The following LRRIQ1 variants were observed in gnomAD, a reference collection of about 807,000 sequenced individuals.
LRRIQ1 encodes the protein leucine rich repeats and IQ motif containing 1.
LRRIQ1 carries 210 observed loss-of-function variants against 211.9 expected under a neutral mutation model. That is an observed-to-expected ratio of 0.99 (90% CI 0.89 to 1.11). The LOEUF is 1.11. Among genes scored for constraint, LRRIQ1 ranks in the 50% most tolerant of loss-of-function variants. LRRIQ1 has a pLI of 0.00. For synonymous variants in LRRIQ1, 699 were observed against 650.1 expected (o/e 1.08, Z -1.14); for missense variants, 2,136 against 1,939.5 (o/e 1.10, Z -1.90).
intron 2 of LRRIQ1, among the ~76,000 whole-genome samples, chr12:85,038,923 T>C (rs1726152459): frequency 6.6e-6 from 1 of 151,330 alleles, no homozygotes; most frequent in Admixed American, 6.6e-5. Flanking sequence ...CCTACTGTTG[T>C]ATATTTGTAA....
At chr12:85,055,088 G>A (rs887534614) in intron 7 of LRRIQ1, among the ~76,000 whole-genome samples, 5 of 152,034 alleles carry the variant, frequency 3.3e-5, no homozygotes, top group African/African-American at 1.2e-4. Flanking sequence ...GGCTTTCTTG[G>A]TACCATAAGT....
At chr12:85,241,926 A>G (rs771844049) in intron 26 of LRRIQ1, among the ~76,000 whole-genome samples, 15 of 152,018 alleles carry the variant, frequency 9.9e-5, no homozygotes, top group Non-Finnish European at 1.6e-4. Context: ...CCAAAGTTGG[A>G]GGTGAATCAG....
intron 24 of LRRIQ1, among the ~76,000 whole-genome samples, chr12:85,198,771 T>C (rs184005187): frequency 2.6e-5 from 4 of 152,114 alleles, no homozygotes; most frequent in Non-Finnish European, 4.4e-5. Context: ...GGTTCCACCA[T>C]GTTAGCCAGA....
chr12:85,063,612 G>A (rs906253747), intron 8 of LRRIQ1, among the ~76,000 whole-genome samples: 12 of 151,106 alleles, frequency 7.9e-5, no homozygotes, highest in African/African-American at 2.4e-4. Context: ...ACCCTATTGT[G>A]CTATCAAATA....
intron 24 of LRRIQ1, among the ~76,000 whole-genome samples, chr12:85,218,927 T>C (rs1204629024): frequency 6.6e-6 from 1 of 152,130 alleles, no homozygotes; most frequent in Non-Finnish European, 1.5e-5. Flanking sequence ...ATTTTGCTTC[T>C]CTTAAATTTT....
In LRRIQ1 at chr12:85,055,829, AAAG is replaced by A. The variant is rs1181227862; in HGVS notation, c.1041_1043del (p.Glu348del). The A allele has an allele frequency of 1.8e-5, 29 of 1,588,218 alleles. No individual in the cohort carries two copies. Among genetic ancestry groups the A allele is most frequent in the African/African-American group, 1.8e-4 (13 of 74,020 alleles). ...AAGATTAGAGGAGGAACAAAGGATA[AAAG>A]AAGAGAGAAAAAAGCAAAAGGAAGA... On this transcript the variant is annotated inframe_deletion, in exon 8 of 27. Coordinates refer to ENST00000393217, the MANE Select transcript of LRRIQ1 (RefSeq NM_001079910.2).
At chr12:85,220,115 A>T (rs61050121) in intron 24 of LRRIQ1, among the ~76,000 whole-genome samples, 1 of 152,286 alleles carries the variant, frequency 6.6e-6, no homozygotes, top group African/African-American at 2.4e-5. Flanking sequence ...TCAGCCATTT[A>T]TCAAAGTTAC....
intron 26 of LRRIQ1, among the ~76,000 whole-genome samples, chr12:85,238,354 GAA>G (rs1156423423): frequency 6.6e-6 from 1 of 151,996 alleles, no homozygotes; most frequent in Non-Finnish European, 1.5e-5. Context: ...ACTAATCACT[GAA>G]AACATTTAAA....
intron 24 of LRRIQ1, among the ~76,000 whole-genome samples, chr12:85,207,513 A>T (rs540830444): frequency 1.6e-4 from 24 of 152,262 alleles, no homozygotes; most frequent in Non-Finnish European, 2.6e-4. Flanking sequence ...ACACAGAAGC[A>T]TTTTTAATTT....
intron 25 of LRRIQ1, among the ~76,000 whole-genome samples, chr12:85,230,939 C>G (rs975209003): frequency 4.6e-5 from 7 of 151,976 alleles, no homozygotes; most frequent in Admixed American, 6.6e-5. Flanking sequence ...GTCCCAGCTA[C>G]TCGGAGGCTG....
At chr12:85,199,190 TC>T (rs2137006912) in intron 24 of LRRIQ1, among the ~76,000 whole-genome samples, 1 of 152,210 alleles carries the variant, frequency 6.6e-6, no homozygotes, top group South Asian at 2.1e-4. Context: ...CTTTGCCAGG[TC>T]CCATGTGCCA....
At chr12:85,122,371 T>G (rs1394134213) in intron 16 of LRRIQ1, among the ~76,000 whole-genome samples, 1 of 152,156 alleles carries the variant, frequency 6.6e-6, no homozygotes, top group East Asian at 1.9e-4. Context: ...AGTCAGCACT[T>G]GCACCCATTT....
chr12:85,102,167 C>T lies in LRRIQ1; in HGVS notation c.3210-1837C>T, dbSNP rs533195268. On this transcript the variant is annotated intron_variant, in intron 13 of 26. Coordinates refer to ENST00000393217, the MANE Select transcript of LRRIQ1 (RefSeq NM_001079910.2). The stretch of plus-strand genomic sequence containing the variant: ...TATTGCATGTAACAATTATACAGAA[C>T]GTGCTTGAATAGGAAATGTCATAAA... 4.6e-5 allele frequency among the ~76,000 whole-genome samples: 7 copies of T among 151,414 alleles called. No homozygotes were observed. The East Asian group carries it at 9.7e-4, about 21-fold the overall frequency.
intron 10 of LRRIQ1, among the ~76,000 whole-genome samples, chr12:85,068,649 G>C (rs893056877): frequency 6.6e-6 from 1 of 151,590 alleles, no homozygotes; most frequent in Non-Finnish European, 1.5e-5. Context: ...ATGAATCCTT[G>C]TATCAACTGA....
chr12:85,107,736 A>T lies in LRRIQ1; in HGVS notation c.3377+1121A>T, dbSNP rs1782192836. Among the ~76,000 whole-genome samples, 3 of 151,688 alleles carry T rather than the reference A, an allele frequency of 2.0e-5. No homozygotes were observed. The South Asian group carries it at 6.2e-4, about 32-fold the overall frequency. On this transcript the variant is annotated intron_variant, in intron 15 of 26. Transcript: ENST00000393217. Reference sequence around the variant, plus strand: ...CTTATTATTATTTATTTCCCTTTCCATGCCTCACTCACTCCGAATAGTTTC... The same window carrying T: ...CTTATTATTATTTATTTCCCTTTCCTTGCCTCACTCACTCCGAATAGTTTC...
intron 24 of LRRIQ1, among the ~76,000 whole-genome samples, chr12:85,191,034 A>G (rs1274462454): frequency 6.6e-6 from 1 of 151,956 alleles, no homozygotes; most frequent in African/African-American, 2.4e-5. Context: ...AATAGACTCT[A>G]TATTTTAGTA....
At position 85,046,036 on chromosome 12, in the gene LRRIQ1, A is replaced by G. The variant is rs202151623; in HGVS notation, c.353A>G (p.Glu118Gly). The G allele has an allele frequency of 1.2e-6, 2 of 1,606,200 alleles. No homozygotes were observed. Among genetic ancestry groups the G allele is most frequent in the Non-Finnish European group, 1.7e-6 (2 of 1,173,910 alleles). ...ACCTCTTAGATATTATCTGAAATAGAAAAAGAAGAATTTATGAGAAGTAAA... is the reference window on the plus strand; with the variant it reads ...ACCTCTTAGATATTATCTGAAATAGGAAAAGAAGAATTTATGAGAAGTAAA... Reference protein sequence around the residue: ...EQLIKILSEIEKEEFMRSKTD... With the variant: ...EQLIKILSEIGKEEFMRSKTD... The change falls in exon 5 of 27, where the codon GAA becomes GGA. Residue 118 changes from glutamate to glycine, a missense_variant. Coordinates refer to ENST00000393217, the MANE Select transcript of LRRIQ1 (RefSeq NM_001079910.2).
intron 1 of LRRIQ1, among the ~76,000 whole-genome samples, chr12:85,253,102 A>G (rs1216498718): frequency 6.6e-6 from 1 of 152,054 alleles, no homozygotes. Context: ...TGAAAGCATT[A>G]ATAATGAACA....
intron 4 of LRRIQ1, 139 bp downstream of exon 4, chr12:85,044,948 G>C (rs1368239620): frequency 4.8e-6 from 2 of 418,658 alleles, no homozygotes; most frequent in Non-Finnish European, 8.7e-6. Flanking sequence ...CAAATCATCT[G>C]TGGTTTTATG....
Sources: gnomAD v4.1 joint callset for allele counts (sites outside exome capture counted in the v4.1 genomes callset) on GRCh38, gnomAD v4.1.1 for gene constraint, MANE v1.5 for transcripts, NCBI Gene and HGNC (gene_info 2026-07-23, HGNC 2026-07-21) for gene names.